The following POU3F3 variants were observed in gnomAD, a reference collection of about 807,000 sequenced individuals.
POU3F3 encodes POU domain, class 3, transcription factor 3.
In POU3F3, 1 loss-of-function variant was observed where a neutral mutation model predicts 8.6. The ratio of observed to expected loss-of-function variants is 0.12; its 90% CI spans 0.04 to 0.55. The LOEUF (loss-of-function observed/expected upper bound fraction) is 0.55, where lower values mean the gene tolerates loss of function less well. POU3F3 is among the 20% of genes least tolerant of loss of function. The pLI is 0.91. For synonymous variants in POU3F3, 418 were observed against 327.4 expected, an observed-to-expected ratio of 1.28 and a Z score of -2.99; for missense variants, 577 against 690.7, an observed-to-expected ratio of 0.84 and a Z score of 1.84.
chr2:104,854,158 T>A lies in POU3F3; in HGVS notation c.-1353T>A, dbSNP rs1297392735. Among the ~76,000 whole-genome samples, 2 of 151,754 alleles carry A rather than the reference T, an allele frequency of 1.3e-5. No homozygotes were observed. Among genetic ancestry groups the A allele is most frequent in the African/African-American group, 2.4e-5 (1 of 41,294 alleles). On this transcript the variant is annotated 5_prime_UTR_variant, in exon 1 of 1. Transcript: ENST00000361360. This position sits in a 1 kb window ranked among gnomAD's most constrained non-coding sequence, Gnocchi z 4.5. Reference sequence around the variant, plus strand: ...TGAGAGGGAGGGACAGAGAGCGAACTGTCAGATCGGAGCGAGAGCGGGCGC... The same window carrying A: ...TGAGAGGGAGGGACAGAGAGCGAACAGTCAGATCGGAGCGAGAGCGGGCGC...
In POU3F3 at chr2:104,857,506, T is replaced by G. The variant is rs899214615; in HGVS notation, c.*493T>G. On this transcript the variant is annotated 3_prime_UTR_variant, in exon 1 of 1. Transcript: ENST00000361360. The stretch of plus-strand genomic sequence containing the variant: ...CTACACGGCAGCGGTGGACAGCACC[T>G]GCCTCGTCTTCTCCTCTTTGAAAAA... 1.3e-5 allele frequency: 2 copies of G among 153,418 alleles called. No individual in the cohort carries two copies. The highest frequency in any genetic ancestry group is 2.9e-5 in the Non-Finnish European group (2 of 67,980). The allele number at this position is 153,418 out of a possible 1,614,324, so 9.5% of individuals were successfully genotyped here.
chr2:104,855,382 G>A lies in POU3F3; in HGVS notation c.-129G>A, dbSNP rs1160682052. ...GGGCCGGCGGGGGCCCGGGGCGGGG[G>A]CGGGGAAGGAGGGGGGGAGGAGGCG... On this transcript the variant is annotated 5_prime_UTR_variant, in exon 1 of 1. Transcript: ENST00000361360. 6.5e-6 allele frequency: 2 copies of A among 307,430 alleles called. No individual in the cohort carries two copies. The highest frequency in any genetic ancestry group is 9.1e-6 in the Non-Finnish European group (2 of 219,502). The allele number at this position is 307,430 out of a possible 1,614,324, so 19.0% of individuals were successfully genotyped here.
Position 104,856,332 on chromosome 2 carries a change from C to T in POU3F3, c.822C>T (p.His274=). 2 of 1,511,318 alleles carry T rather than the reference C, an allele frequency of 1.3e-6. No homozygotes were observed. The highest frequency in any genetic ancestry group is 1.4e-5 in the African/African-American group (1 of 72,130). The allele number at this position is 1,511,318 out of a possible 1,614,324, so 93.6% of individuals were successfully genotyped here. ...TPELAEHHHH[H]HHHAHPHPPH... Reference sequence around the variant, plus strand: ...AGCTGGCCGAGCACCACCACCACCACCACCACCACGCGCATCCTCACCCGC... The same window carrying T: ...AGCTGGCCGAGCACCACCACCACCATCACCACCACGCGCATCCTCACCCGC... Residue 274 remains histidine, a synonymous_variant, in exon 1 of 1, where the codon CAC becomes CAT. Transcript: ENST00000361360.
At chr2:104,896,016 C>T in the POU3F3 span, among the ~76,000 whole-genome samples, 2 of 152,138 alleles carry the variant, frequency 1.3e-5, no homozygotes, top group Admixed American at 6.5e-5. Context: ...TTTCAGCACA[C>T]AAGGGCTCGG....
At chr2:104,881,126 C>CTTTCTTTCTTTCTTTCTTTCT in the POU3F3 span, among the ~76,000 whole-genome samples, 1 of 147,586 alleles carries the variant, frequency 6.8e-6, no homozygotes, top group Non-Finnish European at 1.5e-5. Context: ...TTCTTACTTT[C>CTTTCTTTCTTTCTTTCTTTCT]TTTCTTTCTT....
chr2:104,901,962 CTT>C, the POU3F3 span, among the ~76,000 whole-genome samples: 2 of 152,208 alleles, frequency 1.3e-5, no homozygotes, highest in Non-Finnish European at 2.9e-5. Flanking sequence ...TGCCCCAAGG[CTT>C]AGACTCAGCA....
At chr2:104,917,002 G>A in the POU3F3 span, among the ~76,000 whole-genome samples, 2,617 of 152,300 alleles carry the variant, frequency 0.017, 36 homozygotes, top group Middle Eastern at 0.041. Context: ...GAATAAAAAG[G>A]CAGCAGAAAG....
At chr2:104,914,002 T>C in the POU3F3 span, among the ~76,000 whole-genome samples, 1 of 152,246 alleles carries the variant, frequency 6.6e-6, no homozygotes, top group Admixed American at 6.5e-5. Context: ...AGCTAGCTTT[T>C]CTATTGTCTC....
chr2:104,890,489 A>G, the POU3F3 span, among the ~76,000 whole-genome samples: 1 of 151,650 alleles, frequency 6.6e-6, no homozygotes, highest in African/African-American at 2.4e-5. Flanking sequence ...TCATTCGCCC[A>G]CCTCCCTGTG....
At chr2:104,862,999 TC>T (rs1676684023), downstream of POU3F3, among the ~76,000 whole-genome samples, 1 of 151,274 alleles carries the variant, frequency 6.6e-6, no homozygotes, top group Non-Finnish European at 1.5e-5. Context: ...AATAGTAAAT[TC>T]TTTTTTTTTT....
the POU3F3 span, among the ~76,000 whole-genome samples, chr2:104,899,408 T>C: frequency 6.6e-6 from 1 of 152,158 alleles, no homozygotes; most frequent in Non-Finnish European, 1.5e-5. Context: ...ATGGCATTTC[T>C]GGCACAATAG....
chr2:104,857,750 A>G lies in POU3F3; in HGVS notation c.*737A>G, dbSNP rs1183210637. 2 of 148,526 alleles carry G rather than the reference A, an allele frequency of 1.3e-5. No homozygotes were observed. Among genetic ancestry groups the G allele is most frequent in the Non-Finnish European group, 3.0e-5 (2 of 66,766 alleles). 9.2% of individuals were successfully genotyped at this position (148,526 alleles called of 1,614,324 possible). ...TCTGAAATGGGAAGGAGGGGGGAAA[A>G]ACAGTCTCCAAGAAAAAAATAATTA... On this transcript the variant is annotated 3_prime_UTR_variant, in exon 1 of 1. Coordinates refer to ENST00000361360, the MANE Select transcript of POU3F3 (RefSeq NM_006236.3).
the POU3F3 span, among the ~76,000 whole-genome samples, chr2:104,875,423 A>G: frequency 2.0e-5 from 3 of 152,214 alleles, no homozygotes; most frequent in Admixed American, 2.0e-4. Flanking sequence ...AGTTTCCCCC[A>G]GAAGCAGCAC....
the POU3F3 span, among the ~76,000 whole-genome samples, chr2:104,868,934 G>A: frequency 6.6e-6 from 1 of 152,216 alleles, no homozygotes; most frequent in Non-Finnish European, 1.5e-5. Context: ...GGACAGTGGG[G>A]TGAGGGTGGG....
Position 104,857,156 on chromosome 2 carries a change from GCTCCAGCCCAGGCCCATCCGCCGCC to G in POU3F3, c.*148_*172del, listed in dbSNP as rs909969756. On this transcript the variant is annotated 3_prime_UTR_variant, in exon 1 of 1. Coordinates refer to ENST00000361360, the MANE Select transcript of POU3F3 (RefSeq NM_006236.3). ...CGACCCTGCACCTGGGCCGCTCCGG[GCTCCAGCCCAGGCCCATCCGCCGCC>G]CTCCCCTCCACCCAGAGACAGGCAT... 2.3e-6 allele frequency: 2 copies of G among 888,644 alleles called. No homozygotes were observed. Among genetic ancestry groups the G allele is most frequent in the Admixed American group, 1.3e-4 (2 of 15,942 alleles). 55.0% of individuals were successfully genotyped at this position (888,644 alleles called of 1,614,324 possible). A position where few individuals can be genotyped will look rare whatever the true frequency, so the allele number is the denominator to read the frequency against.
Position 104,855,858 on chromosome 2 carries a change from G to T in POU3F3, c.348G>T (p.Val116=). 9.3e-7 allele frequency: 1 copy of T among 1,076,980 alleles called. No homozygotes were observed. The highest frequency in any genetic ancestry group is 1.1e-6 in the Non-Finnish European group (1 of 894,704). 66.7% of individuals were successfully genotyped at this position (1,076,980 alleles called of 1,614,324 possible). The change falls in exon 1 of 1, where the codon GTG becomes GTT. Residue 116 remains valine (V), a synonymous_variant. Transcript: ENST00000361360. ...CCGCCGCTGCCGCCGCCGCCGCCGT[G>T]GAGGCGAGCTCGCCGTGGTCGGGCA... The part of the protein sequence containing the change: ...AAAAAAAAAA[V]EASSPWSGSA...
At chr2:104,882,786 A>C in the POU3F3 span, among the ~76,000 whole-genome samples, 1 of 152,358 alleles carries the variant, frequency 6.6e-6, no homozygotes, top group East Asian at 1.9e-4. Flanking sequence ...CTCTGTTTCG[A>C]GAGTTATGTA....
the POU3F3 span, among the ~76,000 whole-genome samples, chr2:104,908,305 A>G: frequency 6.6e-6 from 1 of 152,220 alleles, no homozygotes; most frequent in Non-Finnish European, 1.5e-5. Context: ...GTACATCTCT[A>G]GAAGCAAAGT....
At chr2:104,875,220 G>T in the POU3F3 span, among the ~76,000 whole-genome samples, 6 of 152,164 alleles carry the variant, frequency 3.9e-5, no homozygotes, top group Non-Finnish European at 8.8e-5. Context: ...ACTACATTTG[G>T]TTTACCCATT....
Sources: allele counts gnomAD v4.1 joint callset (sites outside exome capture counted in the v4.1 genomes callset), GRCh38; gene constraint gnomAD v4.1.1; non-coding constraint Gnocchi (gnomAD v3.1); transcripts MANE v1.5; gene names NCBI Gene and HGNC (gene_info 2026-07-23, HGNC 2026-07-21).